The following CNGB3 variants were observed in gnomAD, a reference collection of about 807,000 sequenced individuals.
The protein encoded by CNGB3 is cyclic nucleotide gated channel subunit beta 3.
CNGB3 carries 86 observed loss-of-function variants against 92.8 expected under a neutral mutation model. The observed-to-expected ratio is 0.93, with a 90% CI of 0.78 to 1.11. The LOEUF is 1.11. Among genes scored for constraint, CNGB3 ranks in the 50% least tolerant of loss-of-function variants. The probability of loss-of-function intolerance (pLI) is 0.00; values close to 1 mark genes in which losing one functional copy is unlikely to be tolerated. For missense variants in CNGB3, 1,026 were observed against 956.8 expected (o/e 1.07, Z -0.95); for synonymous variants, 333 against 332.7 (o/e 1.00, Z -0.01).
intron 3 of CNGB3, among the ~76,000 whole-genome samples, chr8:86,682,785 G>A (rs888546773): frequency 2.6e-5 from 4 of 152,176 alleles, no homozygotes; most frequent in Non-Finnish European, 4.4e-5. Flanking sequence ...AAAGAGCACA[G>A]ACAGAAGGAA....
At chr8:86,714,120 T>C (rs1031437848) in intron 3 of CNGB3, among the ~76,000 whole-genome samples, 2 of 152,210 alleles carry the variant, frequency 1.3e-5, no homozygotes, top group Non-Finnish European at 2.9e-5. Flanking sequence ...TCCATCATCA[T>C]AGTATCACAC....
At chr8:86,728,494 T>C (rs180782351) in intron 2 of CNGB3, among the ~76,000 whole-genome samples, 1 of 152,350 alleles carries the variant, frequency 6.6e-6, no homozygotes, top group African/African-American at 2.4e-5. Context: ...AAAAATCATA[T>C]AGATCAGATC....
At chr8:86,683,746 G>A (rs1490389194) in intron 3 of CNGB3, among the ~76,000 whole-genome samples, 3 of 152,096 alleles carry the variant, frequency 2.0e-5, no homozygotes, top group Admixed American at 6.6e-5. Flanking sequence ...AGAAAAGATA[G>A]CCTTTTCAAC....
intron 3 of CNGB3, among the ~76,000 whole-genome samples, chr8:86,705,352 A>T (rs145986336): frequency 2.0e-5 from 3 of 152,182 alleles, no homozygotes; most frequent in Non-Finnish European, 4.4e-5. Context: ...TCCAGAGCAA[A>T]TAAACTTCAG....
At chr8:86,678,398 C>T (rs142813063) in intron 3 of CNGB3, among the ~76,000 whole-genome samples, 397 of 152,302 alleles carry the variant, frequency 2.6e-3, no homozygotes, top group Non-Finnish European at 4.3e-3. Context: ...CCTCTAAATG[C>T]TGTGAAGATT....
intron 13 of CNGB3, among the ~76,000 whole-genome samples, chr8:86,616,627 C>T (rs1585971622): frequency 2.0e-5 from 3 of 152,186 alleles, no homozygotes; most frequent in African/African-American, 7.2e-5. Flanking sequence ...GTAAATGTCT[C>T]TTTTTTCTAT....
chr8:86,700,555 C>T (rs1464460397), intron 3 of CNGB3, among the ~76,000 whole-genome samples: 1 of 152,224 alleles, frequency 6.6e-6, no homozygotes, highest in Non-Finnish European at 1.5e-5. Flanking sequence ...CTCCTCACAT[C>T]TCCAATATCG....
intron 7 of CNGB3, 53 bp from the exon 8 acceptor site, chr8:86,647,940 A>G: frequency 2.9e-6 from 3 of 1,048,738 alleles, no homozygotes; most frequent in Non-Finnish European, 4.5e-6. Flanking sequence ...CTTTCTGGGA[A>G]TGGATGGATT....
At chr8:86,720,285 T>A (rs1167960855) in intron 3 of CNGB3, among the ~76,000 whole-genome samples, 1 of 151,964 alleles carries the variant, frequency 6.6e-6, no homozygotes, top group Non-Finnish European at 1.5e-5. Flanking sequence ...TGCAAGGAAC[T>A]CAAACACATC....
intron 7 of CNGB3, among the ~76,000 whole-genome samples, chr8:86,652,909 T>C (rs925898539): frequency 6.6e-5 from 10 of 152,148 alleles, no homozygotes; most frequent in Admixed American, 4.6e-4. Context: ...TTATTGCCAT[T>C]ATCCCCAATA....
At chr8:86,734,136 G>A (rs565007910) in intron 2 of CNGB3, among the ~76,000 whole-genome samples, 3 of 152,260 alleles carry the variant, frequency 2.0e-5, no homozygotes, top group South Asian at 4.1e-4. Context: ...GGGATTACAG[G>A]CATGAACCAC....
Position 86,604,124 on chromosome 8 carries a change from G to C in CNGB3, c.1750C>G (p.Leu584Val). Residue 584 changes from leucine (L) to valine (V), a missense_variant, in exon 15 of 18, where the codon CTG becomes GTG. Leu to Val is a conservative substitution (Grantham distance 32). Transcript: ENST00000320005. ...TCTCCAAACACCGACCCAGCTTTCA[G>C]AGTAACCAGAACTTTAGTACCATCA... ...GPDGTKVLVT[L>V]KAGSVFGEIS... The C allele has an allele frequency of 6.2e-7, 1 of 1,613,202 alleles. No individual in the cohort carries two copies. Among genetic ancestry groups the C allele is most frequent in the Non-Finnish European group, 8.5e-7 (1 of 1,179,214 alleles).
At chr8:86,720,795 C>T (rs1434061939) in intron 3 of CNGB3, among the ~76,000 whole-genome samples, 3 of 138,976 alleles carry the variant, frequency 2.2e-5, no homozygotes, top group Non-Finnish European at 4.7e-5. Flanking sequence ...TATATCACAA[C>T]TTATATATAT....
At chr8:86,599,306 G>A (rs891486198) in intron 15 of CNGB3, among the ~76,000 whole-genome samples, 37 of 151,950 alleles carry the variant, frequency 2.4e-4, no homozygotes, top group Non-Finnish European at 3.5e-4. Context: ...CATCATCTTC[G>A]TAAACTGAGG....
At chr8:86,652,739 G>C (rs757661209) in intron 7 of CNGB3, among the ~76,000 whole-genome samples, 3 of 152,004 alleles carry the variant, frequency 2.0e-5, no homozygotes, top group Non-Finnish European at 4.4e-5. Context: ...GGGTGGAGCT[G>C]TCATTTCCTA....
At chr8:86,587,035 G>T (rs1821910255) in intron 15 of CNGB3, among the ~76,000 whole-genome samples, 1 of 145,314 alleles carries the variant, frequency 6.9e-6, no homozygotes, top group African/African-American at 2.6e-5. Flanking sequence ...CATTCTAACT[G>T]GTGTGAGATG....
chr8:86,659,457 C>G (rs78354724), intron 6 of CNGB3: 28 of 628,472 alleles, frequency 4.5e-5, no homozygotes, highest in Non-Finnish European at 7.6e-5. Context: ...TTCTCTGTCA[C>G]TAGGACTCAA....
intron 13 of CNGB3, among the ~76,000 whole-genome samples, chr8:86,622,681 C>T (rs959480409): frequency 2.0e-5 from 3 of 152,168 alleles, no homozygotes; most frequent in African/African-American, 7.2e-5. Context: ...TCCCAAAGTC[C>T]TGGGATTACT....
intron 13 of CNGB3, among the ~76,000 whole-genome samples, chr8:86,618,144 G>T (rs1822652972): frequency 6.6e-6 from 1 of 152,176 alleles, no homozygotes; most frequent in African/African-American, 2.4e-5. Context: ...TGCCACTGCT[G>T]ATCTGACAGG....
Sources: allele counts gnomAD v4.1 joint callset (sites outside exome capture counted in the v4.1 genomes callset), GRCh38; gene constraint gnomAD v4.1.1; transcripts MANE v1.5; gene names NCBI Gene and HGNC (gene_info 2026-07-23, HGNC 2026-07-21).